The following COPG2 variants were observed in gnomAD, a reference collection of about 807,000 sequenced individuals.
COPG2 encodes coat protein complex I subunit gamma 2.
A neutral mutation model predicts 46.3 loss-of-function variants in COPG2; 37 were observed. The observed-to-expected ratio is 0.80, with a 90% CI of 0.61 to 1.05. The LOEUF (loss-of-function observed/expected upper bound fraction) is 1.05, where lower values mean the gene tolerates loss of function less well. COPG2 is among the 50% of genes least tolerant of loss of function. The probability of loss-of-function intolerance (pLI) is 0.00; values close to 1 mark genes in which losing one functional copy is unlikely to be tolerated. For missense variants in COPG2, 427 were observed against 387.8 expected, an observed-to-expected ratio of 1.10 and a Z score of -0.85; for synonymous variants, 159 against 129.7, an observed-to-expected ratio of 1.23 and a Z score of -1.53.
chr7:130,605,667 C>CA (rs1554451116), intron 9 of COPG2: 1 of 503,434 alleles, frequency 2.0e-6, no homozygotes. Flanking sequence ...AGCAAGGAAA[C>CA]AGAGACCTAC....
intron 20 of COPG2, chr7:130,508,868 G>A (rs1209408296): frequency 1.2e-5 from 7 of 576,082 alleles, no homozygotes; most frequent in Non-Finnish European, 2.2e-5. Flanking sequence ...CCACGCTGTG[G>A]GTTACAGCAG....
chr7:130,552,557 T>C (rs1793549317), intron 14 of COPG2, 127 bp from the exon 15 acceptor site: 1 of 392,712 alleles, frequency 2.5e-6, no homozygotes, highest in South Asian at 1.4e-4. Context: ...TTTTATTGAG[T>C]GTTTCTTGAT....
chr7:130,616,939 G>T, intron 6 of COPG2, 51 bp downstream of exon 6: 1 of 1,161,100 alleles, frequency 8.6e-7, no homozygotes, highest in Non-Finnish European at 1.3e-6. Context: ...ATGGCCACCT[G>T]CAGATAAACA....
rs943657999 is a variant in COPG2 at position 130,550,600 on chromosome 7, C to T, written c.1698G>A (p.Thr566=). 5.8e-5 allele frequency: 23 copies of T among 397,952 alleles called. No individual in the cohort carries two copies. The highest frequency in any genetic ancestry group is 2.7e-4 in the African/African-American group (13 of 48,548). 24.7% of individuals were successfully genotyped at this position (397,952 alleles called of 1,614,324 possible). A position where few individuals can be genotyped will look rare whatever the true frequency, so the allele number is the denominator to read the frequency against. Reference sequence around the variant, plus strand: ...CAAACGGTTTTTCTGAAGGCTCCAACGTGTACTGGTGTAAGGCTTTTTCCA... The same window carrying T: ...CAAACGGTTTTTCTGAAGGCTCCAATGTGTACTGGTGTAAGGCTTTTTCCA... ...PGMEKALHQY[T]LEPSEKPFDM... is the part of the protein sequence containing the mutation. Residue 566 remains threonine (T), a synonymous_variant, in exon 17 of 24, where the codon ACG becomes ACA. Transcript: ENST00000425248.
rs1249318524 is a variant in COPG2 at position 130,633,334 on chromosome 7, T to C, written c.324-16269A>G. Among the ~76,000 whole-genome samples the C allele has an allele frequency of 3.9e-5, 6 of 152,308 alleles. No individual in the cohort carries two copies. In the East Asian group the frequency reaches 1.2e-3, roughly 29 times the overall value. On this transcript the variant is annotated intron_variant, in intron 5 of 23. Coordinates refer to ENST00000425248, the MANE Select transcript of COPG2 (RefSeq NM_012133.6). ...GGAATCGCCACACTGTCTTCCACAA[T>C]GGTTGAACTAATTTACACTCCCACC...
intron 9 of COPG2, chr7:130,607,790 T>C (rs1177580166): frequency 7.7e-6 from 4 of 520,004 alleles, no homozygotes; most frequent in African/African-American, 5.8e-5. Flanking sequence ...ATACTGTAGC[T>C]TTCTGTCATC....
chr7:130,613,667 A>C, intron 6 of COPG2, 31 bp from the exon 7 acceptor site: 1 of 1,459,930 alleles, frequency 6.8e-7, no homozygotes, highest in Non-Finnish European at 9.4e-7. Flanking sequence ...AAAATTGTTA[A>C]GGAAAAACAT....
At position 130,551,278 on chromosome 7, in the gene COPG2, C is replaced by T; in HGVS notation, c.1611G>A (p.Gln537=). Reference sequence around the variant, plus strand: ...ATGTGGCATTTAGTGCCATCTGCCTCTGCTGCAGCACATTCAGATAGAAGG... The same window carrying T: ...ATGTGGCATTTAGTGCCATCTGCCTTTGCTGCAGCACATTCAGATAGAAGG... ...RATFYLNVLQ[Q]RQMALNATYI... is the part of the protein sequence containing the mutation. Residue 537 remains glutamine (Q), a synonymous_variant, in exon 16 of 24, where the codon CAG becomes CAA. Coordinates refer to ENST00000425248, the MANE Select transcript of COPG2 (RefSeq NM_012133.6). 2.5e-6 allele frequency: 1 copy of T among 398,566 alleles called. No homozygotes were observed. Among genetic ancestry groups the T allele is most frequent in the Non-Finnish European group, 4.4e-6 (1 of 226,018 alleles). The allele number at this position is 398,566 out of a possible 1,614,324, so 24.7% of individuals were successfully genotyped here.
chr7:130,515,214 A>G (rs2116340703), intron 20 of COPG2, among the ~76,000 whole-genome samples: 1 of 152,308 alleles, frequency 6.6e-6, no homozygotes, highest in South Asian at 2.1e-4. Flanking sequence ...AAAGAAGTCT[A>G]ATTGGCTCAA....
At chr7:130,641,544 T>C (rs1413120434) in intron 5 of COPG2, among the ~76,000 whole-genome samples, 1 of 152,226 alleles carries the variant, frequency 6.6e-6, no homozygotes, top group African/African-American at 2.4e-5. Flanking sequence ...TATTTAACCA[T>C]GTTAAAACTG....
At position 130,548,528 on chromosome 7, in the gene COPG2, T is replaced by C; in HGVS notation, c.1852A>G (p.Ile618Val). Residue 618 changes from isoleucine to valine, a missense_variant, in exon 19 of 24, where the codon ATT (isoleucine) becomes GTT (valine). Physicochemically the swap from Ile to Val is conservative, Grantham distance 29. Coordinates refer to ENST00000425248, the MANE Select transcript of COPG2 (RefSeq NM_012133.6). ...GGTCCTATATTCAGAAACTCAGGAA[T>C]GGCAGCCAATTGTTCTATCAAGAAA... is the stretch of plus-strand genomic sequence containing the variant. ...QDIFQEQLAA[I>V]PEFLNIGPLF... The C allele has an allele frequency of 2.5e-6, 1 of 398,588 alleles. No individual in the cohort carries two copies. The highest frequency in any genetic ancestry group is 3.6e-5 in the East Asian group (1 of 28,074). 24.7% of individuals were successfully genotyped at this position (398,588 alleles called of 1,614,324 possible).
At position 130,629,306 on chromosome 7, in the gene COPG2, TTGTC is replaced by T. The variant is rs200725649; in HGVS notation, c.324-12245_324-12242del. 4.4e-3 allele frequency among the ~76,000 whole-genome samples: 672 copies of T among 152,184 alleles called. 22 individuals are homozygous for T. Among genetic ancestry groups the T allele is most frequent in the Admixed American group, 0.041 (631 of 15,270 alleles). On this transcript the variant is annotated intron_variant, in intron 5 of 23. Transcript: ENST00000425248. ...TTGAGCTTTCTGGACATGCATTTTGTTGTCTGTAATTAATTTTGGGGAAAAAAAT... is the reference window on the plus strand; with the variant it reads ...TTGAGCTTTCTGGACATGCATTTTGTTGTAATTAATTTTGGGGAAAAAAAT...
intron 20 of COPG2, among the ~76,000 whole-genome samples, chr7:130,531,306 AG>A (rs1799822897): frequency 3.3e-5 from 5 of 152,084 alleles, no homozygotes; most frequent in Non-Finnish European, 1.5e-5. Flanking sequence ...AGGCTAGGGA[AG>A]ACCCTGAATC....
intron 20 of COPG2, among the ~76,000 whole-genome samples, chr7:130,534,197 G>A (rs1799857385): frequency 6.6e-6 from 1 of 152,166 alleles, no homozygotes; most frequent in African/African-American, 2.4e-5. Flanking sequence ...GGAGAAAATG[G>A]GGGAAAGGGC....
At chr7:130,521,137 G>A (rs1041202909) in intron 20 of COPG2, among the ~76,000 whole-genome samples, 17 of 152,174 alleles carry the variant, frequency 1.1e-4, no homozygotes, top group Admixed American at 4.6e-4. Flanking sequence ...ACAGGATAAT[G>A]AAAATTGCTT....
intron 20 of COPG2, chr7:130,511,877 G>C (rs530681880): frequency 1.9e-6 from 1 of 517,772 alleles, no homozygotes; most frequent in African/African-American, 1.9e-5. Context: ...CTAATTAAAG[G>C]ACTTGCTTGA....
chr7:130,549,873 C>T (rs1335361322), intron 17 of COPG2, among the ~76,000 whole-genome samples: 3 of 151,940 alleles, frequency 2.0e-5, no homozygotes, highest in African/African-American at 4.8e-5. Context: ...TCTTTTAAGA[C>T]GAACCTCCAA....
chr7:130,615,441 C>G (rs1794934797), intron 6 of COPG2, among the ~76,000 whole-genome samples: 1 of 152,184 alleles, frequency 6.6e-6, no homozygotes, highest in Non-Finnish European at 1.5e-5. Flanking sequence ...TCATCTATGT[C>G]TTCGTTATAG....
chr7:130,508,895 T>A, intron 20 of COPG2: 1 of 553,992 alleles, frequency 1.8e-6, no homozygotes, highest in Admixed American at 3.0e-5. Flanking sequence ...AATGATAACA[T>A]GGGCAGACTG....
Sources: gnomAD v4.1 joint callset for allele counts (sites outside exome capture counted in the v4.1 genomes callset) on GRCh38, gnomAD v4.1.1 for gene constraint, MANE v1.5 for transcripts, NCBI Gene and HGNC (gene_info 2026-07-23, HGNC 2026-07-21) for gene names.